The following CHN1 variants were observed in gnomAD, a reference collection of about 807,000 sequenced individuals.
CHN1 encodes the protein N-chimaerin.
Under a neutral mutation model 59.5 loss-of-function variants are expected in CHN1, and 37 were observed. The observed-to-expected ratio is 0.62, with a 90% CI of 0.48 to 0.82. The LOEUF is 0.82. Among genes scored for constraint, CHN1 ranks in the 40% least tolerant of loss-of-function variants. CHN1 has a pLI of 0.00. For synonymous variants in CHN1, 206 were observed against 200.4 expected (o/e 1.03, Z -0.24); for missense variants, 469 against 571.0 (o/e 0.82, Z 1.82).
chr2:174,950,122 C>A lies in CHN1; in HGVS notation c.58+2042G>T, dbSNP rs190821586. ...ACAAAATAAAATTTTTAAAAATCAA[C>A]CTGTGGTCACAGCTACTCAGGAGGT... On this transcript the variant is annotated intron_variant, in intron 2 of 12. Coordinates refer to ENST00000409900, the MANE Select transcript of CHN1 (RefSeq NM_001822.7). 4.7e-3 allele frequency among the ~76,000 whole-genome samples: 710 copies of A among 152,166 alleles called. 4 individuals are homozygous for A. The highest frequency in any genetic ancestry group is 0.01 in the Admixed American group (158 of 15,284).
chr2:174,897,409 A>C (rs1458668195), intron 5 of CHN1, among the ~76,000 whole-genome samples: 1 of 151,692 alleles, frequency 6.6e-6, no homozygotes, highest in East Asian at 1.9e-4. Flanking sequence ...CAGATAAAAT[A>C]AATCTCTGTG....
At chr2:174,926,005 G>A (rs1689155969) in intron 3 of CHN1, among the ~76,000 whole-genome samples, 1 of 152,050 alleles carries the variant, frequency 6.6e-6, no homozygotes, top group South Asian at 2.1e-4. Flanking sequence ...TTGCATAAAT[G>A]TTATATGCTA....
chr2:174,816,810 C>A (rs190772460), intron 8 of CHN1, among the ~76,000 whole-genome samples: 1 of 152,030 alleles, frequency 6.6e-6, no homozygotes, highest in Non-Finnish European at 1.5e-5. Flanking sequence ...CTTATAACAA[C>A]GTTTTAGAAG....
At chr2:174,948,221 G>A (rs1689903241) in intron 2 of CHN1, among the ~76,000 whole-genome samples, 1 of 151,926 alleles carries the variant, frequency 6.6e-6, no homozygotes, top group East Asian at 1.9e-4. Context: ...GAAACTTAAG[G>A]ACAACAAAAG....
chr2:174,847,897 C>CA, intron 6 of CHN1: 1 of 396,896 alleles, frequency 2.5e-6, no homozygotes, highest in South Asian at 1.9e-5. Context: ...AACATACATA[C>CA]AGCACTAGGT....
chr2:174,949,319 C>T (rs1689946157), intron 2 of CHN1, among the ~76,000 whole-genome samples: 1 of 152,120 alleles, frequency 6.6e-6, no homozygotes, highest in Non-Finnish European at 1.5e-5. Context: ...CGTTAGAATG[C>T]ATTTATTTAT....
intron 3 of CHN1, among the ~76,000 whole-genome samples, chr2:174,931,420 A>G (rs1689344882): frequency 6.6e-6 from 1 of 152,212 alleles, no homozygotes; most frequent in African/African-American, 2.4e-5. Flanking sequence ...GCCAAACTCA[A>G]TGCTCCCACC....
chr2:174,829,668 G>A (rs1403429563), intron 7 of CHN1, among the ~76,000 whole-genome samples: 1 of 152,192 alleles, frequency 6.6e-6, no homozygotes, highest in Admixed American at 6.5e-5. Flanking sequence ...TGTAAGCCAC[G>A]TTGGAGATGA....
chr2:174,915,015 G>GT lies in CHN1; in HGVS notation c.260+42dup, dbSNP rs145523696. The GT allele has an allele frequency of 1.3e-4, 157 of 1,216,742 alleles. 1 individual carries two copies. The African/African-American group carries it at 2.2e-3, about 17-fold the overall frequency. 75.4% of individuals were successfully genotyped at this position (1,216,742 alleles called of 1,614,324 possible). A position where few individuals can be genotyped will look rare whatever the true frequency, so the allele number is the denominator to read the frequency against. ...AAATTTAAAGCCCTATATTAAGAGA[G>GT]TTTTAAATAAAGCACAGTAGTAATT... On this transcript the variant is annotated intron_variant, in intron 5 of 12. Transcript: ENST00000409900.
At chr2:174,948,857 T>C (rs1350037251) in intron 2 of CHN1, among the ~76,000 whole-genome samples, 1 of 152,218 alleles carries the variant, frequency 6.6e-6, no homozygotes, top group Non-Finnish European at 1.5e-5. Flanking sequence ...GAATTTTTAA[T>C]AACTAAATTT....
intron 5 of CHN1, among the ~76,000 whole-genome samples, chr2:174,895,219 C>A (rs899082660): frequency 6.9e-6 from 1 of 144,316 alleles, no homozygotes; most frequent in African/African-American, 2.6e-5. Context: ...TATATACACA[C>A]ACACACACAC....
chr2:174,928,927 G>A (rs755904095), intron 3 of CHN1, among the ~76,000 whole-genome samples: 10 of 152,126 alleles, frequency 6.6e-5, no homozygotes, highest in Admixed American at 5.9e-4. Context: ...CTGAGTACCA[G>A]CAAAGTGGAG....
chr2:174,816,953 A>T (rs1685289651), intron 8 of CHN1, among the ~76,000 whole-genome samples: 1 of 151,984 alleles, frequency 6.6e-6, no homozygotes, highest in South Asian at 2.1e-4. Flanking sequence ...CTTCATTTCA[A>T]GCTGAAGACA....
intron 1 of CHN1, among the ~76,000 whole-genome samples, chr2:175,001,259 G>C (rs930228858): frequency 4.6e-5 from 7 of 152,212 alleles, no homozygotes; most frequent in Admixed American, 3.9e-4. Flanking sequence ...TGTCAGCAGA[G>C]AGTATAGTCA....
intron 6 of CHN1, among the ~76,000 whole-genome samples, chr2:174,861,430 A>C (rs958376066): frequency 6.6e-6 from 1 of 152,254 alleles, no homozygotes; most frequent in African/African-American, 2.4e-5. Flanking sequence ...AAGAATGAGC[A>C]AAATTCATGG....
intron 8 of CHN1, among the ~76,000 whole-genome samples, chr2:174,821,386 C>G (rs1007885017): frequency 6.6e-6 from 1 of 152,156 alleles, no homozygotes; most frequent in Non-Finnish European, 1.5e-5. Context: ...TCTCTATCAA[C>G]CTCTCGCCTC....
At chr2:174,853,654 C>T (rs1686810505) in intron 6 of CHN1, among the ~76,000 whole-genome samples, 1 of 152,148 alleles carries the variant, frequency 6.6e-6, no homozygotes, top group Non-Finnish European at 1.5e-5. Context: ...CTTCCATGTT[C>T]ATCACAACAC....
intron 3 of CHN1, among the ~76,000 whole-genome samples, chr2:174,927,018 A>T (rs1689186551): frequency 6.6e-6 from 1 of 152,080 alleles, no homozygotes; most frequent in African/African-American, 2.4e-5. Flanking sequence ...TCAGCCTTCC[A>T]AAGTCCTGAG....
Position 174,849,839 on chromosome 2 carries a change from T to TG in CHN1, c.550-2883dup, listed in dbSNP as rs1239784101. Among the ~76,000 whole-genome samples the TG allele has an allele frequency of 4.6e-5, 7 of 152,060 alleles. 1 individual carries two copies. Among genetic ancestry groups the TG allele is most frequent in the South Asian group, 4.2e-4 (2 of 4,812 alleles). On this transcript the variant is annotated intron_variant, in intron 6 of 12. Transcript: ENST00000409900. ...TTCCCAAAGTTGCACAGCTAGTAGG[T>TG]GGGGGGGCTGGGCTCATAAACACTA...
Sources: gnomAD v4.1 joint callset for allele counts (sites outside exome capture counted in the v4.1 genomes callset) on GRCh38, gnomAD v4.1.1 for gene constraint, MANE v1.5 for transcripts, NCBI Gene and HGNC (gene_info 2026-07-23, HGNC 2026-07-21) for gene names.